PDE8A: variants seen among roughly 807,000 people sequenced by gnomAD.
The protein encoded by PDE8A is high affinity cAMP-specific and IBMX-insensitive 3',5'-cyclic phosphodiesterase 8A.
PDE8A carries 59 observed loss-of-function variants against 105.0 expected under a neutral mutation model. That is an observed-to-expected ratio of 0.56 (90% CI 0.46 to 0.70). The LOEUF (loss-of-function observed/expected upper bound fraction) is 0.70. Among genes scored for constraint, PDE8A ranks in the 30% least tolerant of loss-of-function variants. The pLI, the probability that PDE8A is intolerant of heterozygous loss-of-function variation, is 0.00. For missense variants in PDE8A, 1,014 were observed against 1,045.9 expected, an observed-to-expected ratio of 0.97 and a Z score of 0.42; for synonymous variants, 355 against 371.9, an observed-to-expected ratio of 0.95 and a Z score of 0.52.
chr15:85,067,045 A>G lies in PDE8A; in HGVS notation c.275A>G (p.Gln92Arg), dbSNP rs1419242947. The G allele has an allele frequency of 3.1e-6, 5 of 1,610,164 alleles. No individual in the cohort carries two copies. The highest frequency in any genetic ancestry group is 4.2e-6 in the Non-Finnish European group (5 of 1,178,426). ...VLLVFTKEDN[Q>R]CNGFCRACEK... Reference sequence around the variant, plus strand: ...TTAGTGTTTACCAAAGAAGATAACCAATGTAATGGATTCTGCAGGGCATGT... The same window carrying G: ...TTAGTGTTTACCAAAGAAGATAACCGATGTAATGGATTCTGCAGGGCATGT... Residue 92 changes from glutamine (Q) to arginine (R), a missense_variant, in exon 3 of 22, where the codon CAA (glutamine) becomes CGA (arginine). By Grantham distance (43) the Gln-to-Arg change is conservative. Transcript: ENST00000394553.
At chr15:85,115,178 C>T in intron 14 of PDE8A, 1 of 444,960 alleles carries the variant, frequency 2.2e-6, no homozygotes, top group Non-Finnish European at 3.9e-6. Flanking sequence ...AGGCTCACCT[C>T]CCGGGTGTTG....
At chr15:85,032,198 A>C (rs2080626882) in intron 1 of PDE8A, among the ~76,000 whole-genome samples, 1 of 152,246 alleles carries the variant, frequency 6.6e-6, no homozygotes, top group South Asian at 2.1e-4. Flanking sequence ...ACTCACAGAC[A>C]GTAGACAATT....
chr15:85,107,038 GGAAGGCAA>G (rs2081957626), intron 11 of PDE8A, among the ~76,000 whole-genome samples: 1 of 152,214 alleles, frequency 6.6e-6, no homozygotes, highest in Non-Finnish European at 1.5e-5. Flanking sequence ...ATGTTAGCAA[GGAAGGCAA>G]GAAGGCAAGA....
chr15:85,133,962 A>G (rs1191258660), intron 20 of PDE8A, among the ~76,000 whole-genome samples: 1 of 152,142 alleles, frequency 6.6e-6, no homozygotes, highest in Non-Finnish European at 1.5e-5. Context: ...CTTGGGGCAC[A>G]GCGGTGAAAT....
intron 1 of PDE8A, among the ~76,000 whole-genome samples, chr15:85,010,117 G>A (rs2080216418): frequency 1.3e-5 from 2 of 152,196 alleles, no homozygotes; most frequent in South Asian, 4.1e-4. Flanking sequence ...CTTTGAGGAA[G>A]GGGAGGGGTA....
At chr15:85,094,011 C>T (rs115270971) in intron 8 of PDE8A, among the ~76,000 whole-genome samples, 1,589 of 152,204 alleles carry the variant, frequency 0.01, 28 homozygotes, top group African/African-American at 0.036. Context: ...ACGTGTCTAC[C>T]ATCACACCTG....
chr15:85,071,076 T>A (rs1481908197), intron 3 of PDE8A, among the ~76,000 whole-genome samples: 8 of 152,140 alleles, frequency 5.3e-5, no homozygotes, highest in Non-Finnish European at 1.0e-4. Context: ...AGATGATAGG[T>A]CAGAAGCTGA....
At chr15:85,106,322 G>C (rs774381306) in intron 11 of PDE8A, among the ~76,000 whole-genome samples, 5 of 151,858 alleles carry the variant, frequency 3.3e-5, no homozygotes, top group Admixed American at 2.0e-4. Context: ...GGCTCCTCCT[G>C]AACTTCAGAA....
chr15:85,032,950 A>G (rs558309774), intron 1 of PDE8A, among the ~76,000 whole-genome samples: 1 of 152,322 alleles, frequency 6.6e-6, no homozygotes, highest in Admixed American at 6.5e-5. Context: ...TATGGAGGAA[A>G]AAAGTGCAAC....
At chr15:85,001,976 C>CT (rs778192310) in intron 1 of PDE8A, among the ~76,000 whole-genome samples, 126 of 151,408 alleles carry the variant, frequency 8.3e-4, no homozygotes, top group Non-Finnish European at 1.3e-3. Context: ...AAAATTCTAC[C>CT]TTTTTTTTTA....
At position 85,036,847 on chromosome 15, in the gene PDE8A, G is replaced by A. The variant is rs1317434902; in HGVS notation, c.187-27523G>A. Reference sequence around the variant, plus strand: ...CATCAGGCCCCAAGAATGAGAAGTCGTCTTCTAACAGCACTGGTCAGGGAC... The same window carrying A: ...CATCAGGCCCCAAGAATGAGAAGTCATCTTCTAACAGCACTGGTCAGGGAC... On this transcript the variant is annotated intron_variant, in intron 1 of 21. Coordinates refer to ENST00000394553, the MANE Select transcript of PDE8A (RefSeq NM_002605.3). Among the ~76,000 whole-genome samples, 8 of 152,148 alleles carry A rather than the reference G, an allele frequency of 5.3e-5. No homozygotes were observed. The South Asian group carries it at 8.3e-4, about 16-fold the overall frequency.
intron 1 of PDE8A, among the ~76,000 whole-genome samples, chr15:85,038,783 A>G (rs2080751673): frequency 6.6e-6 from 1 of 152,212 alleles, no homozygotes; most frequent in Non-Finnish European, 1.5e-5. Flanking sequence ...TTAAACCATA[A>G]TGAAATATAT....
At chr15:85,092,057 T>C (rs1438490726) in intron 8 of PDE8A, among the ~76,000 whole-genome samples, 1 of 152,106 alleles carries the variant, frequency 6.6e-6, no homozygotes, top group East Asian at 1.9e-4. Flanking sequence ...CTAGTTCCTA[T>C]CTTGTAGCAC....
chr15:85,089,206 C>G, intron 6 of PDE8A, 132 bp from the exon 7 acceptor site: 1 of 626,508 alleles, frequency 1.6e-6, no homozygotes, highest in Non-Finnish European at 2.8e-6. Context: ...GTGTTTATTT[C>G]TTTTTATGTT....
chr15:85,034,344 A>G (rs1331728382), intron 1 of PDE8A, among the ~76,000 whole-genome samples: 1 of 152,358 alleles, frequency 6.6e-6, no homozygotes, highest in Middle Eastern at 3.4e-3. Flanking sequence ...ACTTCAGTCC[A>G]CCAAGAGATA....
At chr15:84,997,346 A>G (rs1041156120) in intron 1 of PDE8A, among the ~76,000 whole-genome samples, 1 of 151,848 alleles carries the variant, frequency 6.6e-6, no homozygotes, top group Admixed American at 6.6e-5. Context: ...GGTGTGCACC[A>G]CCATGCCTGG....
At chr15:85,100,351 G>A in intron 11 of PDE8A, 153 bp downstream of exon 11, 1 of 684,126 alleles carries the variant, frequency 1.5e-6, no homozygotes, top group East Asian at 2.7e-5. Context: ...TGGCTTATGA[G>A]TCACTTGTAC....
At position 84,982,217 on chromosome 15, in the gene PDE8A, C is replaced by A; in HGVS notation, c.55C>A (p.Pro19Thr). ...ISERLVAEDA[P>T]SPAAPPLSSG... is the part of the protein sequence containing the mutation. ...CGAGCGCCTGGTGGCCGAGGACGCG[C>A]CTAGCCCCGCGGCACCGCCGCTGTC... Residue 19 changes from proline (P) to threonine (T), a missense_variant, in exon 1 of 22, where the codon CCT (proline) becomes ACT (threonine). Coordinates refer to ENST00000394553, the MANE Select transcript of PDE8A (RefSeq NM_002605.3). 1 of 1,483,396 alleles carries A rather than the reference C, an allele frequency of 6.7e-7. No individual in the cohort carries two copies. The allele number at this position is 1,483,396 out of a possible 1,614,324, so 91.9% of individuals were successfully genotyped here.
chr15:85,028,723 T>A (rs1284042323), intron 1 of PDE8A, among the ~76,000 whole-genome samples: 1 of 152,086 alleles, frequency 6.6e-6, no homozygotes, highest in East Asian at 1.9e-4. Flanking sequence ...TGTTTTTTAA[T>A]CCTCATCTCA....
Sources: allele counts gnomAD v4.1 joint callset (sites outside exome capture counted in the v4.1 genomes callset), GRCh38; gene constraint gnomAD v4.1.1; transcripts MANE v1.5; gene names NCBI Gene and HGNC (gene_info 2026-07-23, HGNC 2026-07-21).